The following TRPC7 variants were observed in gnomAD, a reference collection of about 807,000 sequenced individuals.
TRPC7 encodes the protein transient receptor potential cation channel subfamily C member 7.
In TRPC7, 42 loss-of-function variants were observed where a neutral mutation model predicts 90.1. That is an observed-to-expected ratio of 0.47 (90% CI 0.36 to 0.60). TRPC7 has a LOEUF of 0.60. Ranked by LOEUF, TRPC7 falls within the 20% of genes least tolerant of loss-of-function variation. The pLI is 0.00. For synonymous variants in TRPC7, 451 were observed against 436.3 expected, an observed-to-expected ratio of 1.03 and a Z score of -0.42; for missense variants, 955 against 1,112.3, an observed-to-expected ratio of 0.86 and a Z score of 2.01.
intron 2 of TRPC7, among the ~76,000 whole-genome samples, chr5:136,339,820 T>C (rs1759785386): frequency 6.7e-6 from 1 of 148,602 alleles, no homozygotes; most frequent in Non-Finnish European, 1.5e-5. Context: ...AGCCTGGTGA[T>C]AATTAAACTC....
intron 3 of TRPC7, among the ~76,000 whole-genome samples, chr5:136,275,125 C>T (rs1408749673): frequency 7.2e-5 from 11 of 152,128 alleles, no homozygotes; most frequent in East Asian, 1.9e-4. Flanking sequence ...GTCAGCTTTT[C>T]GGTACATGCT....
At chr5:136,284,220 G>A (rs1757637494) in intron 3 of TRPC7, among the ~76,000 whole-genome samples, 1 of 152,152 alleles carries the variant, frequency 6.6e-6, no homozygotes, top group Non-Finnish European at 1.5e-5. Flanking sequence ...AGCATTCAAC[G>A]GTAAGGTACC....
chr5:136,310,455 G>A (rs1186364570), intron 3 of TRPC7, among the ~76,000 whole-genome samples: 1 of 152,122 alleles, frequency 6.6e-6, no homozygotes, highest in South Asian at 2.1e-4. Flanking sequence ...GGTCTTTATT[G>A]TACTTGAGAC....
chr5:136,241,010 G>A (rs1756146504), intron 7 of TRPC7, among the ~76,000 whole-genome samples: 1 of 152,012 alleles, frequency 6.6e-6, no homozygotes, highest in South Asian at 2.1e-4. Flanking sequence ...GGGGGTGTGT[G>A]GGCAGAGTCT....
In TRPC7 at chr5:136,315,587, G is replaced by T. The variant is rs746006907; in HGVS notation, c.963+10C>A. On this transcript the variant is annotated intron_variant, in intron 3 of 11. Transcript: ENST00000513104. ...GAGATGGGAAGACCAGGAGAGATGG[G>T]GGAGCTTACCTTCTTGACTTCATAT... The T allele has an allele frequency of 6.2e-6, 10 of 1,613,178 alleles. No individual in the cohort carries two copies. Among genetic ancestry groups the T allele is most frequent in the Non-Finnish European group, 8.5e-6 (10 of 1,179,314 alleles).
intron 5 of TRPC7, among the ~76,000 whole-genome samples, chr5:136,256,164 C>T (rs1327220570): frequency 5.3e-5 from 8 of 152,172 alleles, no homozygotes; most frequent in South Asian, 4.1e-4. Context: ...GGCAGTCCCT[C>T]GGCCCTGTTC....
At chr5:136,328,955 C>T (rs965599828) in intron 2 of TRPC7, among the ~76,000 whole-genome samples, 2 of 152,256 alleles carry the variant, frequency 1.3e-5, no homozygotes, top group Non-Finnish European at 2.9e-5. Context: ...TCACTTACCC[C>T]TCAAGTGCAG....
intron 5 of TRPC7, among the ~76,000 whole-genome samples, chr5:136,253,796 G>T (rs564172147): frequency 1.3e-5 from 2 of 149,870 alleles, no homozygotes; most frequent in East Asian, 3.9e-4. Flanking sequence ...GAGTTGCATT[G>T]CATTTCTCAC....
chr5:136,292,760 T>C (rs1758007219), intron 3 of TRPC7, among the ~76,000 whole-genome samples: 1 of 152,064 alleles, frequency 6.6e-6, no homozygotes, highest in Non-Finnish European at 1.5e-5. Context: ...TTCCAATCAA[T>C]AGAAAAAGAG....
Position 136,274,811 on chromosome 5 carries a change from C to A in TRPC7, c.990G>T (p.Gln330His). 1 of 1,579,124 alleles carries A rather than the reference C, an allele frequency of 6.3e-7. No individual in the cohort carries two copies. Among genetic ancestry groups the A allele is most frequent in the East Asian group, 2.3e-5 (1 of 43,096 alleles). The change falls in exon 4 of 12, where the codon CAG (glutamine) becomes CAT (histidine). Residue 330 changes from glutamine (Q) to histidine (H), a missense_variant. Transcript: ENST00000513104. ...KKFVAHPNCQ[Q>H]QLLTMWYENL... ...TTTCATACCACATGGTAAGCAATTG[C>A]TGCTGACAGTTAGGATGAGCAACGA...
rs1438752932 is a variant in TRPC7, at chr5:136,216,190, A to G, written c.2419+10T>C. On this transcript the variant is annotated intron_variant, in intron 11 of 11. Transcript: ENST00000513104. ...TAAATCACCACGTGGGTGGAAATCC[A>G]GTCATTTACCTTCATTGACTTCGTC... 1.2e-6 allele frequency: 2 copies of G among 1,609,018 alleles called. No homozygotes were observed. Among genetic ancestry groups the G allele is most frequent in the Non-Finnish European group, 1.7e-6 (2 of 1,177,098 alleles).
intron 3 of TRPC7, among the ~76,000 whole-genome samples, chr5:136,311,700 T>C (rs1758839129): frequency 6.6e-6 from 1 of 152,198 alleles, no homozygotes; most frequent in Non-Finnish European, 1.5e-5. Context: ...AGGGGTGGTT[T>C]TCTTTAGCTG....
rs1756526889 is a variant in TRPC7, at chr5:136,251,763, G to T, written c.1465C>A (p.Arg489Ser). ...GTGGCCTTCAGGAAGGCCATGAAGC[G>T]TGCTGTGAAGGAGGCCACGAAGATG... ...LSIFVASFTA[R>S]FMAFLKATEA... Residue 489 changes from arginine to serine, a missense_variant, in exon 6 of 12, where the codon CGC (arginine) becomes AGC (serine). Physicochemically the swap from Arg to Ser is moderately radical, Grantham distance 110 (BLOSUM62 -1). Around this residue, in one of 4 missense-constraint regions of TRPC7, gnomAD observed 484 missense variants for 509.6 expected, o/e 0.95. Transcript: ENST00000513104. The T allele has an allele frequency of 1.2e-6, 2 of 1,613,964 alleles. No homozygotes were observed. The highest frequency in any genetic ancestry group is 1.7e-6 in the Non-Finnish European group (2 of 1,179,874).
intron 10 of TRPC7, among the ~76,000 whole-genome samples, chr5:136,218,225 G>A (rs1333471840): frequency 1.4e-5 from 2 of 147,222 alleles, no homozygotes; most frequent in Admixed American, 6.8e-5. Flanking sequence ...CAAAATATAT[G>A]TATCCCTTTC....
intron 3 of TRPC7, among the ~76,000 whole-genome samples, chr5:136,307,486 C>T (rs751184123): frequency 8.5e-5 from 13 of 152,216 alleles, no homozygotes; most frequent in Non-Finnish European, 1.8e-4. Flanking sequence ...TTTGGAACCC[C>T]TGGTCTAGAG....
At position 136,237,757 on chromosome 5, in the gene TRPC7, CAATT is replaced by C. The variant is rs541020465; in HGVS notation, c.1845-6212_1845-6209del. On this transcript the variant is annotated intron_variant, in intron 7 of 11. Coordinates refer to ENST00000513104, the MANE Select transcript of TRPC7 (RefSeq NM_020389.3). Reference sequence around the variant, plus strand: ...TACTGCCTGGCACATACTAATTGCTCAATTAATGTTACTAATTTTATTACTAGTG... The same window carrying C: ...TACTGCCTGGCACATACTAATTGCTCAATGTTACTAATTTTATTACTAGTG... Among the ~76,000 whole-genome samples, 131 of 152,284 alleles carry C rather than the reference CAATT, an allele frequency of 8.6e-4. 1 individual carries two copies. The highest frequency in any genetic ancestry group is 8.2e-4 in the Non-Finnish European group (56 of 68,028).
At chr5:136,231,864 C>G (rs999372389) in intron 7 of TRPC7, among the ~76,000 whole-genome samples, 2 of 152,160 alleles carry the variant, frequency 1.3e-5, no homozygotes, top group Admixed American at 1.3e-4. Context: ...CTTAGCCTCC[C>G]ACAGTGCTGG....
At chr5:136,325,986 G>C (rs1298486572) in intron 2 of TRPC7, among the ~76,000 whole-genome samples, 1 of 152,230 alleles carries the variant, frequency 6.6e-6, no homozygotes, top group African/African-American at 2.4e-5. Flanking sequence ...GCCAAGGCAG[G>C]ACCATCCCTT....
At position 136,274,654 on chromosome 5, in the gene TRPC7, C is replaced by A. The variant is rs759456970; in HGVS notation, c.1128+19G>T. 6.4e-7 allele frequency: 1 copy of A among 1,574,644 alleles called. No individual in the cohort carries two copies. The highest frequency in any genetic ancestry group is 8.6e-7 in the Non-Finnish European group (1 of 1,161,844). On this transcript the variant is annotated intron_variant, in intron 4 of 11. Transcript: ENST00000513104. Reference sequence around the variant, plus strand: ...AGAAGAAATAACCGCAAACGACATGCACCTTAAGCAGTCTGTACCTTGCTG... The same window carrying A: ...AGAAGAAATAACCGCAAACGACATGAACCTTAAGCAGTCTGTACCTTGCTG...
Sources: allele counts gnomAD v4.1 joint callset (sites outside exome capture counted in the v4.1 genomes callset), GRCh38; gene constraint gnomAD v4.1.1; regional missense constraint gnomAD v4.1.1; transcripts MANE v1.5; gene names NCBI Gene and HGNC (gene_info 2026-07-23, HGNC 2026-07-21).